Variants in NF1 observed in about 807,000 individuals in gnomAD.
The protein encoded by NF1 is neurofibromin 1.
Under a neutral mutation model 325.7 loss-of-function variants are expected in NF1, and 122 were observed. The observed-to-expected ratio is 0.37, with a 90% CI of 0.32 to 0.44. The LOEUF is 0.44. Ranked by LOEUF, NF1 falls within the 20% of genes least tolerant of loss-of-function variation. The pLI is 1.00. For synonymous variants in NF1, 1,091 were observed against 1,186.0 expected (o/e 0.92, Z 1.65); for missense variants, 2,140 against 3,415.4 (o/e 0.63, Z 9.31).
intron 1 of NF1, among the ~76,000 whole-genome samples, chr17:31,148,293 A>G (rs1474644489): frequency 6.6e-6 from 1 of 152,098 alleles, no homozygotes; most frequent in Admixed American, 6.6e-5. Flanking sequence ...ACTTTTGGCC[A>G]GTGGGGGCCT....
At position 31,235,939 on chromosome 17, in the gene NF1, C is replaced by G. The variant is rs2067193761; in HGVS notation, c.3892C>G (p.Gln1298Glu). ...GTAGGTATATGGTGCTACCTATCTA[C>G]AAAAACTCCTGGATCCTTTATTACG... ...CFKVYGATYL[Q>E]KLLDPLLRIV... is the part of the protein sequence containing the mutation. The change falls in exon 29 of 58, where the codon CAA becomes GAA. Residue 1298 changes from glutamine to glutamate, a missense_variant. Around this residue, in one of 10 missense-constraint regions of NF1, gnomAD observed 336 missense variants for 399.0 expected, o/e 0.84. Transcript: ENST00000358273. 1 of 1,614,000 alleles carries G rather than the reference C, an allele frequency of 6.2e-7. No individual in the cohort carries two copies. Among genetic ancestry groups the G allele is most frequent in the Non-Finnish European group, 8.5e-7 (1 of 1,179,922 alleles).
intron 29 of NF1, among the ~76,000 whole-genome samples, chr17:31,236,491 G>T (rs1245146494): frequency 6.6e-6 from 1 of 152,104 alleles, no homozygotes; most frequent in Non-Finnish European, 1.5e-5. Context: ...TCAGGCTGGG[G>T]TGCACTGGCG....
intron 8 of NF1, among the ~76,000 whole-genome samples, chr17:31,187,279 A>G (rs972415066): frequency 3.9e-5 from 6 of 152,044 alleles, no homozygotes; most frequent in Admixed American, 1.3e-4. Context: ...GCTCACTGCA[A>G]CCTCTGCCTC....
At chr17:31,199,609 A>G (rs1224328977) in intron 8 of NF1, among the ~76,000 whole-genome samples, 5 of 152,212 alleles carry the variant, frequency 3.3e-5, no homozygotes, top group Admixed American at 3.3e-4. Flanking sequence ...AGCCAAAGGA[A>G]GACATTTGTT....
At chr17:31,349,052 C>T in intron 48 of NF1, 68 bp from the exon 49 acceptor site, 2 of 1,533,274 alleles carry the variant, frequency 1.3e-6, no homozygotes, top group South Asian at 1.2e-5. Context: ...GGAAGAAGAC[C>T]TCAGCAGATG....
intron 37 of NF1, among the ~76,000 whole-genome samples, chr17:31,327,214 G>A (rs2069367430): frequency 1.3e-5 from 2 of 152,048 alleles, no homozygotes; most frequent in African/African-American, 4.8e-5. Context: ...TGCCCACCTC[G>A]GCCTCCCAAA....
At chr17:31,204,284 A>T (rs1002038673) in intron 11 of NF1, among the ~76,000 whole-genome samples, 2 of 152,108 alleles carry the variant, frequency 1.3e-5, no homozygotes, top group Non-Finnish European at 2.9e-5. Flanking sequence ...TGAAAATGAG[A>T]TGATTGCTTT....
At position 31,377,669 on chromosome 17, in the gene NF1, G is replaced by A. The variant is rs574282086; in HGVS notation, c.*3514G>A. ...TTTAAGTAAAATGTAAATTCAATCT[G>A]CTCTAAGATATGAGGAGTTATTTAA... On this transcript the variant is annotated 3_prime_UTR_variant, in exon 58 of 58. Transcript: ENST00000358273. The A allele has an allele frequency of 1.4e-3, 295 of 214,812 alleles. 1 individual carries two copies. Among genetic ancestry groups the A allele is most frequent in the African/African-American group, 6.7e-3 (271 of 40,512 alleles). The allele number at this position is 214,812 out of a possible 1,614,324, so 13.3% of individuals were successfully genotyped here.
intron 30 of NF1, chr17:31,251,177 C>A (rs536117627): frequency 5.0e-6 from 1 of 201,736 alleles, no homozygotes; most frequent in South Asian, 1.9e-4. Context: ...TATTCATCTT[C>A]CCTCTTCTGG....
intron 36 of NF1, among the ~76,000 whole-genome samples, chr17:31,271,534 C>T (rs1317714859): frequency 1.3e-5 from 2 of 152,036 alleles, no homozygotes; most frequent in Non-Finnish European, 2.9e-5. Context: ...GGTAGATCCC[C>T]TGAAGTCAGG....
intron 4 of NF1, among the ~76,000 whole-genome samples, chr17:31,164,635 G>A (rs975596968): frequency 1.3e-5 from 2 of 152,128 alleles, no homozygotes; most frequent in African/African-American, 4.8e-5. Flanking sequence ...TTGTTTTCCA[G>A]CAGGTGTGAA....
intron 1 of NF1, chr17:31,128,339 T>C (rs1915062267): frequency 6.6e-6 from 1 of 152,162 alleles, no homozygotes; most frequent in Non-Finnish European, 1.5e-5. Context: ...TTAGTATTGA[T>C]ATGTGTGGAT....
intron 51 of NF1, among the ~76,000 whole-genome samples, chr17:31,354,736 A>G (rs1396320694): frequency 1.3e-5 from 2 of 152,116 alleles, no homozygotes; most frequent in Non-Finnish European, 2.9e-5. Flanking sequence ...GCATAATGGT[A>G]CACACCTCTA....
intron 1 of NF1, among the ~76,000 whole-genome samples, chr17:31,126,222 G>A (rs536306539): frequency 3.3e-5 from 5 of 152,196 alleles, no homozygotes; most frequent in Non-Finnish European, 5.9e-5. Context: ...TATCTGGTGG[G>A]TAAGAAATGT....
At chr17:31,190,170 T>C (rs761477626) in intron 8 of NF1, among the ~76,000 whole-genome samples, 3 of 150,060 alleles carry the variant, frequency 2.0e-5, no homozygotes, top group African/African-American at 4.9e-5. Flanking sequence ...CCGGGGAGAA[T>C]TGCTTGAACC....
intron 3 of NF1, 106 bp downstream of exon 3, chr17:31,159,199 T>C (rs2065720545): frequency 2.5e-6 from 2 of 795,778 alleles, no homozygotes; most frequent in African/African-American, 1.7e-5. Flanking sequence ...CTATGGACTT[T>C]TGTCTGAGAC....
chr17:31,229,651 G>A, intron 21 of NF1, 184 bp from the exon 22 acceptor site: 1 of 936,616 alleles, frequency 1.1e-6, no homozygotes, highest in Non-Finnish European at 1.7e-6. Flanking sequence ...GTGTGTATGT[G>A]TGCCTAAGGG....
chr17:31,095,588 T>G, intron 1 of NF1: 1 of 495,674 alleles, frequency 2.0e-6, no homozygotes. Flanking sequence ...CTTTCCCTCC[T>G]AAGTCGGGGG....
At chr17:31,215,440 C>T (rs1317354437) in intron 13 of NF1, among the ~76,000 whole-genome samples, 1 of 152,158 alleles carries the variant, frequency 6.6e-6, no homozygotes, top group Non-Finnish European at 1.5e-5. Flanking sequence ...TACCTACTAG[C>T]TATGTGATTT....
Sources: allele counts gnomAD v4.1 joint callset (sites outside exome capture counted in the v4.1 genomes callset), GRCh38; gene constraint gnomAD v4.1.1; regional missense constraint gnomAD v4.1.1; transcripts MANE v1.5; gene names NCBI Gene and HGNC (gene_info 2026-07-23, HGNC 2026-07-21).